The following CCDC57 variants were observed in gnomAD, a reference collection of about 807,000 sequenced individuals.
CCDC57 encodes the protein coiled-coil domain-containing protein 57.
A neutral mutation model predicts 118.9 loss-of-function variants in CCDC57; 118 were observed. The observed-to-expected ratio is 0.99, with a 90% CI of 0.86 to 1.16. The LOEUF is 1.16. CCDC57 is among the 50% of genes most tolerant of loss of function. The pLI, the probability that CCDC57 is intolerant of heterozygous loss-of-function variation, is 0.00. For missense variants in CCDC57, 1,300 were observed against 1,320.7 expected (o/e 0.98, Z 0.24); for synonymous variants, 527 against 532.9 (o/e 0.99, Z 0.15).
chr17:82,201,787 A>T (rs1248037544), exon 3 of CCDC57: 1 of 1,613,628 alleles, frequency 6.2e-7, no homozygotes, highest in Non-Finnish European at 8.5e-7. Flanking sequence ...GTCCTCCTGC[A>T]GGCACCGCAG....
exon 10 of CCDC57, chr17:82,179,108 C>T (rs1244568834): frequency 6.2e-7 from 1 of 1,613,856 alleles, no homozygotes; most frequent in East Asian, 2.2e-5. Flanking sequence ...CACAGCGGCG[C>T]TGCCAGTCCA....
chr17:82,204,248 C>T (rs1435164632), intron 2 of CCDC57, among the ~76,000 whole-genome samples: 2 of 152,164 alleles, frequency 1.3e-5, no homozygotes, highest in Non-Finnish European at 2.9e-5. Flanking sequence ...GCGTGCCCAC[C>T]CATTGCCGGA....
At chr17:82,126,743 C>T (rs574828967) in intron 19 of CCDC57, 6 of 985,440 alleles carry the variant, frequency 6.1e-6, no homozygotes, top group Admixed American at 1.2e-4. Flanking sequence ...GGCACGTACA[C>T]GTGTGTTTTC....
At chr17:82,136,832 C>T (rs1329197732) in intron 16 of CCDC57, among the ~76,000 whole-genome samples, 1 of 152,112 alleles carries the variant, frequency 6.6e-6, no homozygotes, top group Non-Finnish European at 1.5e-5. Context: ...ATCCTCCTCC[C>T]TTGGCCTCCC....
At chr17:82,146,943 C>T (rs1243412505) in intron 16 of CCDC57, among the ~76,000 whole-genome samples, 1 of 152,268 alleles carries the variant, frequency 6.6e-6, no homozygotes, top group African/African-American at 2.4e-5. Flanking sequence ...ACAGTCTCGT[C>T]TCGGGAAGTG....
intron 2 of CCDC57, among the ~76,000 whole-genome samples, chr17:82,203,090 T>C (rs1813218368): frequency 6.6e-6 from 1 of 152,214 alleles, no homozygotes; most frequent in African/African-American, 2.4e-5. Context: ...GTTTGGATCA[T>C]GTGGGCGGAC....
chr17:82,154,432 G>A (rs539247685), intron 15 of CCDC57: 33 of 152,544 alleles, frequency 2.2e-4, no homozygotes, highest in African/African-American at 7.9e-4. Context: ...TGCACTACAG[G>A]AGGTAGGCTG....
chr17:82,186,463 G>A (rs946546758), intron 8 of CCDC57, among the ~76,000 whole-genome samples: 4 of 152,092 alleles, frequency 2.6e-5, no homozygotes, highest in Admixed American at 6.6e-5. Flanking sequence ...AGGTCGCCCC[G>A]CACACCGACC....
Position 82,184,029 on chromosome 17 carries a change from G to GCACA in CCDC57, c.1053-98_1053-97insTGTG, listed in dbSNP as rs1216297514. The GCACA allele has an allele frequency of 6.0e-3, 1,425 of 238,338 alleles. 19 individuals are homozygous for GCACA. Among genetic ancestry groups the GCACA allele is most frequent in the East Asian group, 0.018 (155 of 8,674 alleles). The allele number at this position is 238,338 out of a possible 1,614,324, so 14.8% of individuals were successfully genotyped here. ...AGCAAATACACATGCGCGCGCGCGCGCGCACACACACACACACACACACAC... is the reference window on the plus strand; with the variant it reads ...AGCAAATACACATGCGCGCGCGCGCGCACACGCACACACACACACACACACACAC... On this transcript the variant is annotated intron_variant, in intron 8 of 19. Coordinates refer to ENST00000665763, the Ensembl canonical transcript of CCDC57.
rs1389049533 is a variant in CCDC57, at chr17:82,118,138, A to G, written c.2899+9554T>C. Among the ~76,000 whole-genome samples the G allele has an allele frequency of 6.6e-6, 1 of 152,172 alleles. No homozygotes were observed. Among genetic ancestry groups the G allele is most frequent in the East Asian group, 1.9e-4 (1 of 5,202 alleles). ...AATAAAAAAGCAAGCTGCCCCCACGATATGCAATTGACAAGAAAAGAGGAT... is the reference window on the plus strand; with the variant it reads ...AATAAAAAAGCAAGCTGCCCCCACGGTATGCAATTGACAAGAAAAGAGGAT... On this transcript the variant is annotated intron_variant, in intron 19 of 19. Transcript: ENST00000665763. The surrounding 1 kb of genome is among the most constrained non-coding windows in gnomAD (Gnocchi z 4.7).
At chr17:82,156,157 G>C (rs992341987) in intron 15 of CCDC57, 1 of 152,064 alleles carries the variant, frequency 6.6e-6, no homozygotes, top group Non-Finnish European at 1.5e-5. Flanking sequence ...TTGGCCGGGC[G>C]TGGTGCACCT....
At chr17:82,171,878 A>G (rs1226734933) in intron 12 of CCDC57, 25 bp from the exon 12 acceptor site, 1 of 1,606,900 alleles carries the variant, frequency 6.2e-7, no homozygotes, top group Admixed American at 1.7e-5. Flanking sequence ...TCCAGTGAAT[A>G]TAACACATAC....
At chr17:82,146,512 T>C (rs889373571) in intron 16 of CCDC57, among the ~76,000 whole-genome samples, 1 of 152,136 alleles carries the variant, frequency 6.6e-6, no homozygotes, top group Non-Finnish European at 1.5e-5. Context: ...CCCAAGTAGC[T>C]GGAACTTCAG....
At chr17:82,110,844 G>A (rs2035189982) in intron 19 of CCDC57, among the ~76,000 whole-genome samples, 1 of 152,014 alleles carries the variant, frequency 6.6e-6, no homozygotes, top group Non-Finnish European at 1.5e-5. Context: ...GACCAACATG[G>A]AGAAACCCTG....
chr17:82,157,754 C>T (rs374481732), exon 15 of CCDC57: 5 of 1,594,390 alleles, frequency 3.1e-6, no homozygotes, highest in Middle Eastern at 2.1e-4. Flanking sequence ...CCACCTCTCT[C>T]CCAAGGGCCA....
Position 82,118,515 on chromosome 17 carries a change from G to A in CCDC57, c.2899+9177C>T, listed in dbSNP as rs911359603. Among the ~76,000 whole-genome samples, 2 of 152,140 alleles carry A rather than the reference G, an allele frequency of 1.3e-5. No individual in the cohort carries two copies. The highest frequency in any genetic ancestry group is 2.9e-5 in the Non-Finnish European group (2 of 68,018). ...GCTGCCCACACACGTGGGACAGACT[G>A]TTGGGTGGCTGGTCCCTGTACCGGC... On this transcript the variant is annotated intron_variant, in intron 19 of 19. Transcript: ENST00000665763. The surrounding 1 kb of genome is among the most constrained non-coding windows in gnomAD (Gnocchi z 4.7).
chr17:82,203,805 G>A (rs1284189399), intron 2 of CCDC57, among the ~76,000 whole-genome samples: 1 of 152,214 alleles, frequency 6.6e-6, no homozygotes, highest in Non-Finnish European at 1.5e-5. Flanking sequence ...ACAAACTTCC[G>A]GCCTGGTGGG....
At chr17:82,211,512 C>G (rs2050178833) in intron 1 of CCDC57, among the ~76,000 whole-genome samples, 1 of 151,808 alleles carries the variant, frequency 6.6e-6, no homozygotes. Flanking sequence ...CACGGGAAAT[C>G]TGTGCTCCTT....
chr17:82,150,957 A>C (rs1354803374), intron 16 of CCDC57, among the ~76,000 whole-genome samples: 1 of 88,088 alleles, frequency 1.1e-5, no homozygotes, highest in Non-Finnish European at 2.2e-5. Flanking sequence ...GCACACCCAG[A>C]ACCTGACCTG....
Sources: allele counts gnomAD v4.1 joint callset (sites outside exome capture counted in the v4.1 genomes callset), GRCh38; gene constraint gnomAD v4.1.1; non-coding constraint Gnocchi (gnomAD v3.1); transcripts MANE v1.5; gene names NCBI Gene and HGNC (gene_info 2026-07-23, HGNC 2026-07-21).